Variants in CREG1 observed in about 807,000 individuals in gnomAD.
The protein encoded by CREG1 is protein CREG1.
Under a neutral mutation model 19.9 loss-of-function variants are expected in CREG1, and 20 were observed. That is an observed-to-expected ratio of 1.01 (90% CI 0.71 to 1.46). CREG1 has a LOEUF of 1.46. Ranked by LOEUF, CREG1 falls within the 40% of genes most tolerant of loss-of-function variation. The pLI, the probability that CREG1 is intolerant of heterozygous loss-of-function variation, is 0.00. For synonymous variants in CREG1, 141 were observed against 143.3 expected (o/e 0.98, Z 0.12); for missense variants, 290 against 314.9 (o/e 0.92, Z 0.60).
intron 2 of CREG1, among the ~76,000 whole-genome samples, chr1:167,547,342 A>G (rs1459600257): frequency 6.6e-6 from 1 of 152,196 alleles, no homozygotes; most frequent in African/African-American, 2.4e-5. Flanking sequence ...GGAGACAAGG[A>G]GCCCAGACAT....
intron 3 of CREG1, among the ~76,000 whole-genome samples, chr1:167,543,614 G>A (rs760321302): frequency 1.2e-4 from 18 of 152,304 alleles, no homozygotes; most frequent in African/African-American, 2.2e-4. Flanking sequence ...TACACTCCCC[G>A]GACTATTAAA....
intron 1 of CREG1, among the ~76,000 whole-genome samples, chr1:167,550,995 T>C (rs1252768478): frequency 1.3e-5 from 2 of 152,162 alleles, no homozygotes; most frequent in African/African-American, 2.4e-5. Flanking sequence ...GGGAGGCTAA[T>C]AGTAAGAGGT....
intron 2 of CREG1, among the ~76,000 whole-genome samples, chr1:167,546,718 C>T (rs537891063): frequency 1.3e-5 from 2 of 151,692 alleles, no homozygotes; most frequent in African/African-American, 4.8e-5. Flanking sequence ...TTGATCTTAA[C>T]CTTAAGGAAT....
At chr1:167,548,237 T>C in intron 1 of CREG1, 116 bp from the exon 2 acceptor site, 1 of 721,832 alleles carries the variant, frequency 1.4e-6, no homozygotes, top group Non-Finnish European at 2.2e-6. Context: ...CACGAAACAA[T>C]GAATCATAAA....
chr1:167,549,756 C>T (rs1043029578), intron 1 of CREG1, among the ~76,000 whole-genome samples: 2 of 152,046 alleles, frequency 1.3e-5, no homozygotes, highest in African/African-American at 4.8e-5. Context: ...ACAATCATGG[C>T]TCATTGTGGC....
intron 3 of CREG1, among the ~76,000 whole-genome samples, chr1:167,543,971 T>A (rs997786229): frequency 6.6e-6 from 1 of 152,276 alleles, no homozygotes; most frequent in Non-Finnish European, 1.5e-5. Context: ...CCTTTGGGCA[T>A]GTTATTTATA....
intron 2 of CREG1, among the ~76,000 whole-genome samples, chr1:167,547,300 G>T (rs56073884): frequency 0.13 from 19,503 of 152,144 alleles, 1,703 homozygotes; most frequent in Middle Eastern, 0.2. Flanking sequence ...TACTTAATAT[G>T]TTTTCTCTGC....
chr1:167,550,528 A>G (rs933178654), intron 1 of CREG1, among the ~76,000 whole-genome samples: 4 of 152,174 alleles, frequency 2.6e-5, no homozygotes, highest in African/African-American at 9.7e-5. Context: ...GGGCAAGGAC[A>G]GAGGTAAAGA....
In CREG1 at chr1:167,542,214, TC is replaced by T; in HGVS notation, c.*83del. 7.8e-7 allele frequency: 1 copy of T among 1,277,188 alleles called. No homozygotes were observed. The highest frequency in any genetic ancestry group is 1.1e-6 in the Non-Finnish European group (1 of 935,676). 79.1% of individuals were successfully genotyped at this position (1,277,188 alleles called of 1,614,324 possible). ...AACTGGCTAATATTCTGGGACGCTT[TC>T]CAGAGAAACATTAAGCCTTTTAAGT... On this transcript the variant is annotated 3_prime_UTR_variant, in exon 4 of 4. Transcript: ENST00000370509.
chr1:167,543,194 C>T lies in CREG1; in HGVS notation c.660-893G>A, dbSNP rs562416788. Reference sequence around the variant, plus strand: ...CCCAGGAGGCAGAGCTTACAGTGAGCTGAGATCGCACCACCACACTCCAGC... The same window carrying T: ...CCCAGGAGGCAGAGCTTACAGTGAGTTGAGATCGCACCACCACACTCCAGC... On this transcript the variant is annotated intron_variant, in intron 3 of 3. Coordinates refer to ENST00000370509, the MANE Select transcript of CREG1 (RefSeq NM_003851.3). 3.0e-3 allele frequency among the ~76,000 whole-genome samples: 451 copies of T among 151,546 alleles called. 3 individuals carry two copies. The highest frequency in any genetic ancestry group is 0.011 in the African/African-American group (436 of 41,254).
At chr1:167,549,254 A>G (rs1188771531) in intron 1 of CREG1, among the ~76,000 whole-genome samples, 1 of 152,200 alleles carries the variant, frequency 6.6e-6, no homozygotes. Flanking sequence ...TAAGGAGTCT[A>G]GATTGTAATT....
intron 1 of CREG1, among the ~76,000 whole-genome samples, chr1:167,552,132 A>C (rs2102153187): frequency 6.6e-6 from 1 of 152,350 alleles, no homozygotes; most frequent in Non-Finnish European, 1.5e-5. Context: ...TTGAAGAAAG[A>C]TGAACCTGAG....
intron 3 of CREG1, among the ~76,000 whole-genome samples, chr1:167,543,295 G>C (rs1028181082): frequency 6.6e-6 from 1 of 151,778 alleles, no homozygotes; most frequent in Non-Finnish European, 1.5e-5. Flanking sequence ...CAAATGCTTC[G>C]TGTAGACATT....
intron 2 of CREG1, among the ~76,000 whole-genome samples, chr1:167,546,743 G>A (rs555875974): frequency 1.3e-5 from 2 of 152,294 alleles, no homozygotes; most frequent in South Asian, 4.1e-4. Flanking sequence ...AGAAAATAAA[G>A]GAAATGTAAA....
At chr1:167,549,705 T>C (rs1483750007) in intron 1 of CREG1, among the ~76,000 whole-genome samples, 1 of 149,760 alleles carries the variant, frequency 6.7e-6, no homozygotes, top group Non-Finnish European at 1.5e-5. Context: ...TTTAAGACAG[T>C]GTCTCACTCT....
At chr1:167,548,852 A>G (rs1656375710) in intron 1 of CREG1, among the ~76,000 whole-genome samples, 1 of 152,152 alleles carries the variant, frequency 6.6e-6, no homozygotes, top group African/African-American at 2.4e-5. Flanking sequence ...TCATAAAGAG[A>G]TTTCTTTGAA....
Position 167,542,045 on chromosome 1 carries a change from T to C in CREG1, c.*253A>G, listed in dbSNP as rs1656235782. 5.3e-6 allele frequency: 2 copies of C among 377,424 alleles called. No homozygotes were observed. The highest frequency in any genetic ancestry group is 9.5e-6 in the Non-Finnish European group (2 of 209,592). 23.4% of individuals were successfully genotyped at this position (377,424 alleles called of 1,614,324 possible). ...TGATGGGACAAAACTTATTTGATTA[T>C]AGTGAAGGATATTTCTCTACGAAAA... On this transcript the variant is annotated 3_prime_UTR_variant, in exon 4 of 4. Coordinates refer to ENST00000370509, the MANE Select transcript of CREG1 (RefSeq NM_003851.3).
intron 1 of CREG1, among the ~76,000 whole-genome samples, chr1:167,549,687 A>G (rs1656391564): frequency 1.4e-5 from 2 of 147,308 alleles, no homozygotes; most frequent in African/African-American, 5.0e-5. Flanking sequence ...CTGGCCTGCA[A>G]TATTTTTTTT....
At chr1:167,550,744 A>G (rs1445400557) in intron 1 of CREG1, among the ~76,000 whole-genome samples, 2 of 152,188 alleles carry the variant, frequency 1.3e-5, no homozygotes, top group Non-Finnish European at 1.5e-5. Flanking sequence ...AACAGCAAGC[A>G]GAAATATAGA....
Sources: allele counts gnomAD v4.1 joint callset (sites outside exome capture counted in the v4.1 genomes callset), GRCh38; gene constraint gnomAD v4.1.1; transcripts MANE v1.5; gene names NCBI Gene and HGNC (gene_info 2026-07-23, HGNC 2026-07-21).